Variants in MEOX1 observed in about 807,000 individuals in gnomAD.
The protein encoded by MEOX1 is homeobox protein MOX-1.
Under a neutral mutation model 23.2 loss-of-function variants are expected in MEOX1, and 17 were observed. The ratio of observed to expected loss-of-function variants is 0.73; its 90% CI spans 0.50 to 1.10. The LOEUF (loss-of-function observed/expected upper bound fraction) is 1.10, where lower values mean the gene tolerates loss of function less well. Among genes scored for constraint, MEOX1 ranks in the 50% least tolerant of loss-of-function variants. The pLI is 0.00. For synonymous variants in MEOX1, 134 were observed against 135.1 expected (o/e 0.99, Z 0.06); for missense variants, 333 against 332.2 (o/e 1.00, Z -0.02).
At chr17:43,661,036 G>T (rs1232959117) in intron 1 of MEOX1, 30 bp downstream of exon 1, 7 of 1,408,684 alleles carry the variant, frequency 5.0e-6, no homozygotes, top group Non-Finnish European at 6.7e-6. Flanking sequence ...ACACAGTAAA[G>T]GAATGATCAG....
At chr17:43,646,876 A>T (rs898794089) in intron 1 of MEOX1, among the ~76,000 whole-genome samples, 3 of 152,146 alleles carry the variant, frequency 2.0e-5, no homozygotes, top group East Asian at 3.9e-4. Flanking sequence ...AATCCCAGCT[A>T]CTCGGGAGGC....
intron 1 of MEOX1, among the ~76,000 whole-genome samples, chr17:43,654,542 C>T (rs1331105665): frequency 6.6e-6 from 1 of 151,726 alleles, no homozygotes; most frequent in Non-Finnish European, 1.5e-5. Flanking sequence ...AAAATATGGT[C>T]AGGTGTAGTG....
chr17:43,644,711 C>T (rs1010761633), intron 1 of MEOX1, among the ~76,000 whole-genome samples: 17 of 152,054 alleles, frequency 1.1e-4, no homozygotes, highest in Middle Eastern at 3.4e-3. Flanking sequence ...GTCAGGAGCT[C>T]GAGACCAGCC....
chr17:43,660,052 C>T (rs989441087), intron 1 of MEOX1, among the ~76,000 whole-genome samples: 3 of 152,224 alleles, frequency 2.0e-5, no homozygotes, highest in Admixed American at 6.5e-5. Context: ...CTACAGGCTC[C>T]GACAGACAGG....
At chr17:43,656,128 C>T (rs1040507670) in intron 1 of MEOX1, among the ~76,000 whole-genome samples, 4 of 152,114 alleles carry the variant, frequency 2.6e-5, no homozygotes, top group Admixed American at 2.0e-4. Flanking sequence ...TACTAGACTT[C>T]GACATTTCTT....
Position 43,641,790 on chromosome 17 carries a change from T to C in MEOX1, c.*120A>G. On this transcript the variant is annotated 3_prime_UTR_variant, in exon 3 of 3. Coordinates refer to ENST00000318579, the MANE Select transcript of MEOX1 (RefSeq NM_004527.4). The stretch of plus-strand genomic sequence containing the variant: ...TGCTGGGCAGTTTCATATCCAAGAG[T>C]CAGGGAAAGATGTGGAGAGGCTGCC... 1 of 1,061,310 alleles carries C rather than the reference T, an allele frequency of 9.4e-7. No homozygotes were observed. Among genetic ancestry groups the C allele is most frequent in the Admixed American group, 2.4e-5 (1 of 41,426 alleles). 65.7% of individuals were successfully genotyped at this position (1,061,310 alleles called of 1,614,324 possible).
At position 43,641,686 on chromosome 17, in the gene MEOX1, T is replaced by G; in HGVS notation, c.*224A>C. 1 of 483,232 alleles carries G rather than the reference T, an allele frequency of 2.1e-6. No individual in the cohort carries two copies. The highest frequency in any genetic ancestry group is 3.7e-5 in the Admixed American group (1 of 26,780). 29.9% of individuals were successfully genotyped at this position (483,232 alleles called of 1,614,324 possible). On this transcript the variant is annotated 3_prime_UTR_variant, in exon 3 of 3. Transcript: ENST00000318579. Reference sequence around the variant, plus strand: ...GGATCTCTGTCTGATTCCATGAGAGTGTGGGAGCAAAGGCCCTAGGGAAGA... The same window carrying G: ...GGATCTCTGTCTGATTCCATGAGAGGGTGGGAGCAAAGGCCCTAGGGAAGA...
At chr17:43,660,323 G>T (rs575353180) in intron 1 of MEOX1, among the ~76,000 whole-genome samples, 4 of 152,182 alleles carry the variant, frequency 2.6e-5, no homozygotes, top group Non-Finnish European at 5.9e-5. Context: ...GACTCCCTTG[G>T]CTGCCTGCCT....
At chr17:43,643,319 A>C (rs940969892) in intron 2 of MEOX1, among the ~76,000 whole-genome samples, 169 bp downstream of exon 2, 1 of 152,138 alleles carries the variant, frequency 6.6e-6, no homozygotes, top group African/African-American at 2.4e-5. Context: ...AAAACAAAAA[A>C]CAAAAAAACC....
intron 1 of MEOX1, among the ~76,000 whole-genome samples, chr17:43,660,040 C>T (rs1973108560): frequency 6.6e-6 from 1 of 152,202 alleles, no homozygotes; most frequent in African/African-American, 2.4e-5. Flanking sequence ...TGGGAAGGTC[C>T]TCTACAGGCT....
At chr17:43,650,818 G>A (rs754401896) in intron 1 of MEOX1, among the ~76,000 whole-genome samples, 4 of 152,180 alleles carry the variant, frequency 2.6e-5, no homozygotes, top group African/African-American at 7.2e-5. Flanking sequence ...GCCAGCCCGA[G>A]ACTGGTTGGA....
chr17:43,644,308 G>A (rs1344397912), intron 1 of MEOX1, among the ~76,000 whole-genome samples: 4 of 152,196 alleles, frequency 2.6e-5, no homozygotes, highest in Non-Finnish European at 4.4e-5. Context: ...ACCTACCTAC[G>A]GAATCAGAAT....
At chr17:43,658,343 C>T (rs1000849274) in intron 1 of MEOX1, among the ~76,000 whole-genome samples, 1 of 152,046 alleles carries the variant, frequency 6.6e-6, no homozygotes, top group Non-Finnish European at 1.5e-5. Flanking sequence ...CCCGACTCTA[C>T]TAAAAATACA....
Position 43,643,492 on chromosome 17 carries a change from C to T in MEOX1, c.638G>A (p.Arg213His), listed in dbSNP as rs1289135544. Reference protein sequence around the residue: ...EIAVNLDLSERQVKVWFQNRR... With the variant: ...EIAVNLDLSEHQVKVWFQNRR... ...AGGGGCCCACCGGGGGCGCACCTGGCGCTCAGAGAGGTCCAGGTTTACCGC... is the reference window on the plus strand; with the variant it reads ...AGGGGCCCACCGGGGGCGCACCTGGTGCTCAGAGAGGTCCAGGTTTACCGC... Residue 213 changes from arginine to histidine, a missense_variant, in exon 2 of 3, where the codon CGC becomes CAC. Coordinates refer to ENST00000318579, the MANE Select transcript of MEOX1 (RefSeq NM_004527.4). 5.1e-6 allele frequency: 8 copies of T among 1,580,940 alleles called. No homozygotes were observed. The highest frequency in any genetic ancestry group is 1.2e-5 in the South Asian group (1 of 86,424).
At chr17:43,652,770 C>T (rs1037886619) in intron 1 of MEOX1, among the ~76,000 whole-genome samples, 2 of 151,582 alleles carry the variant, frequency 1.3e-5, no homozygotes, top group African/African-American at 2.4e-5. Context: ...ACTCTGGCGA[C>T]CCAGGTGACA....
chr17:43,646,971 G>C (rs1431817718), intron 1 of MEOX1, among the ~76,000 whole-genome samples: 2 of 152,210 alleles, frequency 1.3e-5, no homozygotes, highest in East Asian at 3.9e-4. Context: ...TGGGCAACGA[G>C]AGCAAAACTC....
Position 43,643,629 on chromosome 17 carries a change from G to A in MEOX1, c.501C>T (p.Gly167=). Residue 167 remains glycine (G), a synonymous_variant, in exon 2 of 3, where the codon GGC becomes GGT. Transcript: ENST00000318579. ...TCCTCTCCTTGCGGGCTTTGCTGCTGCCCTCCGGCTTCCCTCTGTTCTCCT... is the reference window on the plus strand; with the variant it reads ...TCCTCTCCTTGCGGGCTTTGCTGCTACCCTCCGGCTTCCCTCTGTTCTCCT... ...DNQENRGKPE[G]SSKARKERTA... is the part of the protein sequence containing the mutation. 1 of 1,613,444 alleles carries A rather than the reference G, an allele frequency of 6.2e-7. No individual in the cohort carries two copies. The highest frequency in any genetic ancestry group is 8.5e-7 in the Non-Finnish European group (1 of 1,179,862).
intron 1 of MEOX1, among the ~76,000 whole-genome samples, chr17:43,658,193 T>C (rs1018201730): frequency 7.9e-5 from 12 of 152,236 alleles, no homozygotes; most frequent in African/African-American, 2.9e-4. Context: ...TGCAAGGGCA[T>C]GCCCAACCCC....
At position 43,661,828 on chromosome 17, in the gene MEOX1, G is replaced by A. The variant is rs188798431; in HGVS notation, c.-294C>T. On this transcript the variant is annotated 5_prime_UTR_variant, in exon 1 of 3. Transcript: ENST00000318579. ...GGGATCCCCTGTATGTGTATTTGTCGCCAATGACACTAAACATTTTCACTG... is the reference window on the plus strand; with the variant it reads ...GGGATCCCCTGTATGTGTATTTGTCACCAATGACACTAAACATTTTCACTG... The A allele has an allele frequency of 4.6e-5, 15 of 324,392 alleles. No homozygotes were observed. The highest frequency in any genetic ancestry group is 2.5e-4 in the African/African-American group (12 of 47,080). 20.1% of individuals were successfully genotyped at this position (324,392 alleles called of 1,614,324 possible). A position where few individuals can be genotyped will look rare whatever the true frequency, so the allele number is the denominator to read the frequency against.
Sources: gnomAD v4.1 joint callset for allele counts (sites outside exome capture counted in the v4.1 genomes callset) on GRCh38, gnomAD v4.1.1 for gene constraint, MANE v1.5 for transcripts, NCBI Gene and HGNC (gene_info 2026-07-23, HGNC 2026-07-21) for gene names.